Variants in SHISA7 observed in about 807,000 individuals in gnomAD.
The protein encoded by SHISA7 is shisa family member 7, also known as protein shisa-7.
SHISA7 carries 6 observed loss-of-function variants against 23.9 expected under a neutral mutation model. That is an observed-to-expected ratio of 0.25 (90% CI 0.14 to 0.50). The LOEUF (loss-of-function observed/expected upper bound fraction) is 0.50, where lower values mean the gene tolerates loss of function less well. Among genes scored for constraint, SHISA7 ranks in the 20% least tolerant of loss-of-function variants. SHISA7 has a pLI of 0.98. For missense variants in SHISA7, 671 were observed against 801.1 expected (o/e 0.84, Z 1.96); for synonymous variants, 386 against 398.3 (o/e 0.97, Z 0.37).
At position 55,442,652 on chromosome 19, in the gene SHISA7, G is replaced by T; in HGVS notation, c.212C>A (p.Ala71Glu). 1 of 1,309,590 alleles carries T rather than the reference G, an allele frequency of 7.6e-7. No homozygotes were observed. The highest frequency in any genetic ancestry group is 9.8e-7 in the Non-Finnish European group (1 of 1,018,216). 81.1% of individuals were successfully genotyped at this position (1,309,590 alleles called of 1,614,324 possible). A position where few individuals can be genotyped will look rare whatever the true frequency, so the allele number is the denominator to read the frequency against. The change falls in exon 1 of 4, where the codon GCG (alanine) becomes GAG (glutamate). Residue 71 changes from alanine (A) to glutamate (E), a missense_variant. Ala to Glu is a moderately radical substitution (Grantham distance 107). Transcript: ENST00000376325. ...TRTGPAGGAGAAARAPPPAEL... is the reference protein window; with the variant it reads ...TRTGPAGGAGEAARAPPPAEL... Reference sequence around the variant, plus strand: ...GGCGGGAGGGGGCGCCCGGGCCGCCGCGCCCGCCCCGCCCGCGGGGCCGGT... The same window carrying T: ...GGCGGGAGGGGGCGCCCGGGCCGCCTCGCCCGCCCCGCCCGCGGGGCCGGT...
At position 55,433,634 on chromosome 19, in the gene SHISA7, GGGTTGGGCGCGGGCGCCAGGCCCA is replaced by G; in HGVS notation, c.1115_1138del (p.Leu372_Asn379del). On this transcript the variant is annotated inframe_deletion, in exon 4 of 4. Transcript: ENST00000376325. This position sits in a 1 kb window ranked among gnomAD's most constrained non-coding sequence, Gnocchi z 8.4. The stretch of plus-strand genomic sequence containing the variant: ...GTGCTCCTGGGACATGACCCGCCGG[GGGTTGGGCGCGGGCGCCAGGCCCA>G]GCTCCTCTGGGCCGCCCCAGGCCTC... 6.7e-7 allele frequency: 1 copy of G among 1,490,556 alleles called. No homozygotes were observed. The highest frequency in any genetic ancestry group is 8.9e-7 in the Non-Finnish European group (1 of 1,127,412). 92.3% of individuals were successfully genotyped at this position (1,490,556 alleles called of 1,614,324 possible).
intron 1 of SHISA7, 62 bp downstream of exon 1, chr19:55,442,131 T>G (rs1985611339): frequency 6.9e-7 from 1 of 1,444,692 alleles, no homozygotes; most frequent in African/African-American, 1.5e-5. Context: ...CTCGGATGGC[T>G]CCACCTCCCT....
intron 3 of SHISA7, among the ~76,000 whole-genome samples, chr19:55,434,967 GTGGTGTGTGTGGATGGTGTGTA>G (rs1985385245): frequency 1.4e-5 from 2 of 138,602 alleles, no homozygotes; most frequent in Non-Finnish European, 3.1e-5. Context: ...GTGGGTGTGT[GTGGTGTGTGTGGATGGTGTGTA>G]TGGTGTGTGT....
Position 55,435,215 on chromosome 19 carries a change from GGT to G in SHISA7, c.977-1421_977-1420del, listed in dbSNP as rs530307737. Among the ~76,000 whole-genome samples, 430 of 133,300 alleles carry G rather than the reference GGT, an allele frequency of 3.2e-3. 7 individuals carry two copies. Among genetic ancestry groups the G allele is most frequent in the African/African-American group, 0.011 (370 of 34,292 alleles). The allele number at this position is 133,300 out of a possible 152,430, so 87.4% of individuals were successfully genotyped here. A position where few individuals can be genotyped will look rare whatever the true frequency, so the allele number is the denominator to read the frequency against. On this transcript the variant is annotated intron_variant, in intron 3 of 3. Coordinates refer to ENST00000376325, the MANE Select transcript of SHISA7 (RefSeq NM_001145176.2). ...GTGTATGTGTGTGTGGTGTGTGTATGGTGTGTGTGTATGTGTGTGTGCGTGTG... is the reference window on the plus strand; with the variant it reads ...GTGTATGTGTGTGTGGTGTGTGTATGGTGTGTGTATGTGTGTGTGCGTGTG...
At chr19:55,435,386 G>GGT (rs756443902) in intron 3 of SHISA7, among the ~76,000 whole-genome samples, 3,792 of 118,098 alleles carry the variant, frequency 0.032, 219 homozygotes, top group African/African-American at 0.13. Flanking sequence ...GTGTATATGT[G>GGT]GTGTGTGTGT....
chr19:55,434,466 TGTGTGTGTATG>T (rs1295764495), intron 3 of SHISA7, among the ~76,000 whole-genome samples: 1 of 118,178 alleles, frequency 8.5e-6, no homozygotes, highest in Non-Finnish European at 1.7e-5. Context: ...GGTTGTGTGG[TGTGTGTGTATG>T]GTGTGTGTGT....
intron 3 of SHISA7, among the ~76,000 whole-genome samples, chr19:55,434,877 G>GA (rs1568450666): frequency 9.4e-6 from 1 of 106,690 alleles, no homozygotes. Flanking sequence ...TGTGTGTGGT[G>GA]TGTGTGTATA....
At chr19:55,434,650 GGTGTGTGTGGTGT>G (rs1985343329) in intron 3 of SHISA7, among the ~76,000 whole-genome samples, 1 of 46,228 alleles carries the variant, frequency 2.2e-5, no homozygotes, top group Admixed American at 2.7e-4. Context: ...TTGTGTGTAT[GGTGTGTGTGGTGT>G]GTGTGTATGG....
In SHISA7 at chr19:55,431,123, G is replaced by T. The variant is rs577423395; in HGVS notation, c.*2033C>A. On this transcript the variant is annotated 3_prime_UTR_variant, in exon 4 of 4. Transcript: ENST00000376325. ...TAACACCATAGTTGAAGTGGATACT[G>T]GGAGGTAGTGGCACATGTTTGAATG... 1 of 152,344 alleles carries T rather than the reference G, an allele frequency of 6.6e-6. No homozygotes were observed. Among genetic ancestry groups the T allele is most frequent in the Admixed American group, 6.5e-5 (1 of 15,302 alleles). 9.4% of individuals were successfully genotyped at this position (152,344 alleles called of 1,614,324 possible). A position where few individuals can be genotyped will look rare whatever the true frequency, so the allele number is the denominator to read the frequency against.
At chr19:55,435,080 GGTGT>G (rs151041091) in intron 3 of SHISA7, among the ~76,000 whole-genome samples, 1 of 80,788 alleles carries the variant, frequency 1.2e-5, no homozygotes, top group Non-Finnish European at 2.3e-5. Flanking sequence ...TGGTGTGTGT[GGTGT>G]GTGTGGTGTG....
At chr19:55,441,818 A>G (rs182069354) in intron 1 of SHISA7, among the ~76,000 whole-genome samples, 220 of 152,362 alleles carry the variant, frequency 1.4e-3, no homozygotes, top group African/African-American at 5.0e-3. Flanking sequence ...AGAGACGTTA[A>G]GCAACTCATC....
chr19:55,440,414 G>A (rs1385641573), intron 2 of SHISA7, among the ~76,000 whole-genome samples, 197 bp downstream of exon 2: 6 of 152,252 alleles, frequency 3.9e-5, no homozygotes, highest in Non-Finnish European at 7.3e-5. Flanking sequence ...AGGAGGGCAA[G>A]GAGAGGGTCT....
In SHISA7 at chr19:55,440,776, C is replaced by A; in HGVS notation, c.672-11G>T. Reference sequence around the variant, plus strand: ...ATGTCCACCAGAGCTCTAAAGGTGGCAGAGAGGTGGTCAAAGGCCTGGGGG... The same window carrying A: ...ATGTCCACCAGAGCTCTAAAGGTGGAAGAGAGGTGGTCAAAGGCCTGGGGG... On this transcript the variant is annotated splice_polypyrimidine_tract_variant and intron_variant, in intron 1 of 3. Transcript: ENST00000376325. The A allele has an allele frequency of 2.4e-6, 3 of 1,240,338 alleles. No individual in the cohort carries two copies. The highest frequency in any genetic ancestry group is 3.0e-6 in the Non-Finnish European group (3 of 988,180). 76.8% of individuals were successfully genotyped at this position (1,240,338 alleles called of 1,614,324 possible). A position where few individuals can be genotyped will look rare whatever the true frequency, so the allele number is the denominator to read the frequency against.
chr19:55,439,206 C>T lies in SHISA7; in HGVS notation c.826+1405G>A, dbSNP rs186987885. On this transcript the variant is annotated intron_variant, in intron 2 of 3. Transcript: ENST00000376325. Reference sequence around the variant, plus strand: ...CCATCTCCCATCCCTTCCCTCAAGCCGCACTGCTCTCTCCAGTGAGCCCAG... The same window carrying T: ...CCATCTCCCATCCCTTCCCTCAAGCTGCACTGCTCTCTCCAGTGAGCCCAG... Among the ~76,000 whole-genome samples the T allele has an allele frequency of 5.4e-4, 83 of 152,348 alleles. 1 individual carries two copies. Among genetic ancestry groups the T allele is most frequent in the African/African-American group, 1.8e-3 (73 of 41,582 alleles).
At chr19:55,434,690 ATGGTGCGTG>A in intron 3 of SHISA7, among the ~76,000 whole-genome samples, 1 of 45,136 alleles carries the variant, frequency 2.2e-5, no homozygotes, top group Admixed American at 2.8e-4. Context: ...GTGTGTGTGT[ATGGTGCGTG>A]TGTGTGGTGT....
intron 2 of SHISA7, among the ~76,000 whole-genome samples, chr19:55,439,198 C>T (rs1985537459): frequency 6.6e-6 from 1 of 152,336 alleles, no homozygotes; most frequent in South Asian, 2.1e-4. Context: ...CCATCCCTTC[C>T]CTCAAGCCGC....
At chr19:55,437,937 G>A (rs1302542909) in intron 2 of SHISA7, among the ~76,000 whole-genome samples, 183 bp from the exon 3 acceptor site, 3 of 96,942 alleles carry the variant, frequency 3.1e-5, no homozygotes, top group African/African-American at 1.2e-4. Context: ...CCTCAGCCCC[G>A]CCTCCCTCAG....
chr19:55,433,717 C>T lies in SHISA7; in HGVS notation c.1056G>A (p.Leu352=). The stretch of plus-strand genomic sequence containing the variant: ...AGCCGCCCCCCGTGCCCGGCCGCCG[C>T]AGCGCGTGCAGGGGCAGCGTGCCGC... The part of the protein sequence containing the change: ...LPRGTLPLHA[L]RRPGTGGGYR... Residue 352 remains leucine (L), a synonymous_variant, in exon 4 of 4, where the codon CTG becomes CTA. Coordinates refer to ENST00000376325, the MANE Select transcript of SHISA7 (RefSeq NM_001145176.2). This position sits in a 1 kb window ranked among gnomAD's most constrained non-coding sequence, Gnocchi z 8.4. 6.8e-7 allele frequency: 1 copy of T among 1,475,870 alleles called. No individual in the cohort carries two copies. The highest frequency in any genetic ancestry group is 8.9e-7 in the Non-Finnish European group (1 of 1,121,412). The allele number at this position is 1,475,870 out of a possible 1,614,324, so 91.4% of individuals were successfully genotyped here. A position where few individuals can be genotyped will look rare whatever the true frequency, so the allele number is the denominator to read the frequency against.
chr19:55,440,511 T>G, intron 2 of SHISA7, 100 bp downstream of exon 2: 1 of 1,133,398 alleles, frequency 8.8e-7, no homozygotes, highest in Non-Finnish European at 1.1e-6. Flanking sequence ...TGAGGGCGGG[T>G]CCTGGGCGAT....
Sources: gnomAD v4.1 joint callset for allele counts (sites outside exome capture counted in the v4.1 genomes callset) on GRCh38, gnomAD v4.1.1 for gene constraint, Gnocchi (gnomAD v3.1) non-coding constraint, MANE v1.5 for transcripts, NCBI Gene and HGNC (gene_info 2026-07-23, HGNC 2026-07-21) for gene names.